The following PLA2G12B variants were observed in gnomAD, a reference collection of about 807,000 sequenced individuals.
PLA2G12B encodes phospholipase A2 group XIIB.
A neutral mutation model predicts 22.3 loss-of-function variants in PLA2G12B; 19 were observed. The ratio of observed to expected loss-of-function variants is 0.85; its 90% confidence interval spans 0.60 to 1.25. The LOEUF is 1.25. Among genes scored for constraint, PLA2G12B ranks in the 50% most tolerant of loss-of-function variants. PLA2G12B has a pLI of 0.00. For synonymous variants in PLA2G12B, 81 were observed against 94.9 expected, an observed-to-expected ratio of 0.85 and a Z score of 0.85; for missense variants, 191 against 246.6, an observed-to-expected ratio of 0.77 and a Z score of 1.51.
intron 1 of PLA2G12B, among the ~76,000 whole-genome samples, chr10:72,951,476 G>A (rs1234127226): frequency 3.3e-5 from 1 of 29,928 alleles, no homozygotes. Context: ...TTTTTTTTTT[G>A]AGGTGGAGTC....
At position 72,954,582 on chromosome 10, in the gene PLA2G12B, C is replaced by A. The variant is rs1846588181; in HGVS notation, c.104G>T (p.Gly35Val). 1.2e-6 allele frequency: 2 copies of A among 1,614,088 alleles called. No homozygotes were observed. Among genetic ancestry groups the A allele is most frequent in the African/African-American group, 1.3e-5 (1 of 74,940 alleles). The stretch of plus-strand genomic sequence containing the variant: ...AAAGCTTCCCCGGAGGTGCCGAAGG[C>A]CCCAGTCTGAATAGGACTCCTCCGT... ...PDTEESYSDWGLRHLRGSFES... is the reference protein window; with the variant it reads ...PDTEESYSDWVLRHLRGSFES... The change falls in exon 1 of 4, where the codon GGC (glycine) becomes GTC (valine). Residue 35 changes from glycine to valine, a missense_variant. Physicochemically the swap from Gly to Val is moderately radical, Grantham distance 109 (BLOSUM62 -3). Coordinates refer to ENST00000373032, the MANE Select transcript of PLA2G12B (RefSeq NM_032562.5).
chr10:72,946,866 C>G (rs545187243), intron 1 of PLA2G12B, among the ~76,000 whole-genome samples: 3 of 150,918 alleles, frequency 2.0e-5, no homozygotes, highest in Non-Finnish European at 4.4e-5. Context: ...TTGTGCCATT[C>G]TGTGGGTTGT....
chr10:72,935,820 G>A, intron 3 of PLA2G12B, 82 bp from the exon 4 acceptor site: 1 of 1,476,732 alleles, frequency 6.8e-7, no homozygotes, highest in South Asian at 1.3e-5. Flanking sequence ...GATACCCAGA[G>A]GAAAGTAGAG....
At chr10:72,938,424 T>C (rs1429461938) in intron 3 of PLA2G12B, among the ~76,000 whole-genome samples, 1 of 151,976 alleles carries the variant, frequency 6.6e-6, no homozygotes, top group African/African-American at 2.4e-5. Flanking sequence ...TTATCTTATA[T>C]ACAAAAAAGC....
chr10:72,949,608 T>C (rs1846494860), intron 1 of PLA2G12B, among the ~76,000 whole-genome samples: 1 of 152,206 alleles, frequency 6.6e-6, no homozygotes, highest in Non-Finnish European at 1.5e-5. Context: ...GAATGAATAA[T>C]AAGAGTATTT....
chr10:72,937,943 G>A (rs930070094), intron 3 of PLA2G12B, among the ~76,000 whole-genome samples: 11 of 151,712 alleles, frequency 7.3e-5, no homozygotes, highest in Non-Finnish European at 1.2e-4. Context: ...GCGAAACCCC[G>A]TCTCTACTAA....
intron 2 of PLA2G12B, among the ~76,000 whole-genome samples, chr10:72,942,337 C>T (rs1036289991): frequency 1.3e-5 from 2 of 152,152 alleles, no homozygotes; most frequent in African/African-American, 4.8e-5. Flanking sequence ...GAATGGTTCA[C>T]TAATTTCAAT....
chr10:72,954,535 C>T lies in PLA2G12B; in HGVS notation c.151G>A (p.Asp51Asn), dbSNP rs762276650. 54 of 1,614,074 alleles carry T rather than the reference C, an allele frequency of 3.3e-5. No homozygotes were observed. Among genetic ancestry groups the T allele is most frequent in the Non-Finnish European group, 4.6e-5 (54 of 1,180,052 alleles). Residue 51 changes from aspartate to asparagine, a missense_variant, in exon 1 of 4, where the codon GAT (aspartate) becomes AAT (asparagine). Transcript: ENST00000373032. Reference protein sequence around the residue: ...GSFESVNSYFDSFLELLGGKN... With the variant: ...GSFESVNSYFNSFLELLGGKN... ...CCTCCCAGCAGCTCCAGAAAAGAAT[C>T]GAAGTAGCTATTGACGGATTCAAAG... is the stretch of plus-strand genomic sequence containing the variant.
chr10:72,941,618 G>A (rs1381238750), intron 2 of PLA2G12B, among the ~76,000 whole-genome samples: 1 of 152,198 alleles, frequency 6.6e-6, no homozygotes, highest in Non-Finnish European at 1.5e-5. Context: ...GCAGCTTACA[G>A]TAATGAAAAT....
chr10:72,944,390 T>A (rs1019823936), intron 1 of PLA2G12B, among the ~76,000 whole-genome samples: 3 of 152,210 alleles, frequency 2.0e-5, no homozygotes, highest in Non-Finnish European at 4.4e-5. Flanking sequence ...TCTGCAAAAT[T>A]GTCTTGATTA....
chr10:72,953,623 C>A (rs950195826), intron 1 of PLA2G12B, among the ~76,000 whole-genome samples: 30 of 152,122 alleles, frequency 2.0e-4, no homozygotes, highest in African/African-American at 5.3e-4. Flanking sequence ...ACGATGCCAC[C>A]CAGCTTCAAG....
intron 1 of PLA2G12B, among the ~76,000 whole-genome samples, chr10:72,948,957 T>C (rs1444410330): frequency 6.6e-6 from 1 of 152,186 alleles, no homozygotes; most frequent in Non-Finnish European, 1.5e-5. Flanking sequence ...CGCCCTTTTA[T>C]CTCTCTGTCA....
chr10:72,945,971 T>C (rs1846434471), intron 1 of PLA2G12B, among the ~76,000 whole-genome samples: 1 of 152,190 alleles, frequency 6.6e-6, no homozygotes, highest in South Asian at 2.1e-4. Context: ...TTAATCTCTT[T>C]GTTATATTTT....
chr10:72,949,658 C>A (rs1238457386), intron 1 of PLA2G12B, among the ~76,000 whole-genome samples: 3 of 152,198 alleles, frequency 2.0e-5, no homozygotes, highest in African/African-American at 4.8e-5. Flanking sequence ...ACAACCCCAA[C>A]TAGCTGTCTC....
At position 72,954,718 on chromosome 10, in the gene PLA2G12B, CAA is replaced by C. The variant is rs1204774558; in HGVS notation, c.-35_-34del. ...CCAGGTAGGTACTGGCTTCTCTCCT[CAA>C]ACCCCAGCCAGTGTCCCAGAATTCC... is the stretch of plus-strand genomic sequence containing the variant. On this transcript the variant is annotated 5_prime_UTR_variant, in exon 1 of 4. Transcript: ENST00000373032. The C allele has an allele frequency of 6.2e-7, 1 of 1,607,884 alleles. No individual in the cohort carries two copies. Among genetic ancestry groups the C allele is most frequent in the South Asian group, 1.1e-5 (1 of 90,962 alleles).
At position 72,938,728 on chromosome 10, in the gene PLA2G12B, A is replaced by C. The variant is rs148591609; in HGVS notation, c.466+2441T>G. Among the ~76,000 whole-genome samples the C allele has an allele frequency of 6.1e-3, 935 of 152,338 alleles. 4 individuals carry two copies. Among genetic ancestry groups the C allele is most frequent in the East Asian group, 0.03 (154 of 5,186 alleles). On this transcript the variant is annotated intron_variant, in intron 3 of 3. Coordinates refer to ENST00000373032, the MANE Select transcript of PLA2G12B (RefSeq NM_032562.5). The stretch of plus-strand genomic sequence containing the variant: ...ACATTGATATAAATATAATCTTGTT[A>C]AGATGGCAATATTCTCAAATTGATC...
intron 2 of PLA2G12B, 49 bp downstream of exon 2, chr10:72,942,603 C>T: frequency 7.0e-7 from 1 of 1,421,426 alleles, no homozygotes; most frequent in Non-Finnish European, 9.6e-7. Flanking sequence ...TCTAGGATTG[C>T]TCTCAGTCAA....
At position 72,942,633 on chromosome 10, in the gene PLA2G12B, T is replaced by C; in HGVS notation, c.300+19A>G. 2 of 1,568,712 alleles carry C rather than the reference T, an allele frequency of 1.3e-6. No homozygotes were observed. Among genetic ancestry groups the C allele is most frequent in the Non-Finnish European group, 8.7e-7 (1 of 1,152,154 alleles). ...AGTCAAAACCAACCAACCAAGAAGG[T>C]AATGCTGGCAGTACATACACTTTCT... On this transcript the variant is annotated intron_variant, in intron 2 of 3. Transcript: ENST00000373032.
At chr10:72,940,972 C>T (rs1433090733) in intron 3 of PLA2G12B, among the ~76,000 whole-genome samples, 197 bp downstream of exon 3, 5 of 152,126 alleles carry the variant, frequency 3.3e-5, no homozygotes, top group Non-Finnish European at 5.9e-5. Flanking sequence ...CAGCAGCTCG[C>T]GGGCAGGACA....
Sources: allele counts gnomAD v4.1 joint callset (sites outside exome capture counted in the v4.1 genomes callset), GRCh38; gene constraint gnomAD v4.1.1; transcripts MANE v1.5; gene names NCBI Gene and HGNC (gene_info 2026-07-23, HGNC 2026-07-21).